Variants in SEMA6A observed in about 807,000 individuals in gnomAD.
SEMA6A encodes the protein semaphorin 6A.
SEMA6A carries 25 observed loss-of-function variants against 96.8 expected under a neutral mutation model. The ratio of observed to expected loss-of-function variants is 0.26; its 90% CI spans 0.19 to 0.36. The LOEUF is 0.36. Ranked by LOEUF, SEMA6A falls within the 10% of genes least tolerant of loss-of-function variation. The probability of loss-of-function intolerance (pLI) is 1.00; values close to 1 mark genes in which losing one functional copy is unlikely to be tolerated. For missense variants in SEMA6A, 1,363 were observed against 1,323.1 expected (o/e 1.03, Z -0.47); for synonymous variants, 612 against 518.0 (o/e 1.18, Z -2.46).
At chr5:116,478,831 T>C in intron 12 of SEMA6A, 113 bp from the exon 13 acceptor site, 1 of 963,192 alleles carries the variant, frequency 1.0e-6, no homozygotes, top group Non-Finnish European at 1.5e-6. Context: ...TCAAGAAAAA[T>C]ATATGCATAT....
At chr5:116,491,898 A>C in intron 6 of SEMA6A, 68 bp from the exon 7 acceptor site, 1 of 1,298,090 alleles carries the variant, frequency 7.7e-7, no homozygotes, top group Non-Finnish European at 1.1e-6. Context: ...CTCAGAAATA[A>C]TTTCCAGGAT....
intron 1 of SEMA6A, among the ~76,000 whole-genome samples, chr5:116,522,118 C>G (rs1758981669): frequency 6.6e-6 from 1 of 152,124 alleles, no homozygotes; most frequent in South Asian, 2.1e-4. Flanking sequence ...GTGAATATTG[C>G]AGTTCTCATA....
rs549072700 is a variant in SEMA6A, at chr5:116,504,585, C to T, written c.100+260G>A. ...TGATTTTAAGGCATGAACACGGCAG[C>T]CTCGATGTAGTAGCTGAGACTTCAT... On this transcript the variant is annotated intron_variant, in intron 2 of 18. Coordinates refer to ENST00000343348, the MANE Select transcript of SEMA6A (RefSeq NM_020796.5). Among the ~76,000 whole-genome samples the T allele has an allele frequency of 9.9e-5, 15 of 152,248 alleles. No homozygotes were observed. In the South Asian group the frequency reaches 3.1e-3, roughly 32 times the overall value.
At chr5:116,496,180 T>C (rs1757591374) in intron 5 of SEMA6A, 71 bp downstream of exon 5, 2 of 1,256,630 alleles carry the variant, frequency 1.6e-6, no homozygotes, top group Non-Finnish European at 2.3e-6. Flanking sequence ...TACATCACGG[T>C]CTATGGCTGG....
intron 1 of SEMA6A, among the ~76,000 whole-genome samples, chr5:116,547,972 G>T (rs1760255241): frequency 6.6e-6 from 1 of 152,064 alleles, no homozygotes; most frequent in Non-Finnish European, 1.5e-5. Context: ...CATTTGTGCT[G>T]GGGACTCTGA....
At chr5:116,470,836 G>A (rs1339709808) in intron 17 of SEMA6A, among the ~76,000 whole-genome samples, 1 of 152,146 alleles carries the variant, frequency 6.6e-6, no homozygotes, top group Non-Finnish European at 1.5e-5. Flanking sequence ...CAGTGTGCAT[G>A]CACTTTTTAC....
chr5:116,460,061 A>G (rs1755282414), intron 18 of SEMA6A, among the ~76,000 whole-genome samples: 1 of 151,736 alleles, frequency 6.6e-6, no homozygotes, highest in Admixed American at 6.5e-5. Context: ...ATGATAAAAA[A>G]ATAAAAATAA....
At chr5:116,453,530 T>C (rs1375793072) in intron 18 of SEMA6A, among the ~76,000 whole-genome samples, 2 of 152,144 alleles carry the variant, frequency 1.3e-5, no homozygotes, top group Non-Finnish European at 2.9e-5. Context: ...GTAGAGAAAA[T>C]ACAAGAGCAA....
intron 16 of SEMA6A, among the ~76,000 whole-genome samples, chr5:116,475,109 G>A (rs1269063563): frequency 6.6e-6 from 1 of 152,022 alleles, no homozygotes; most frequent in African/African-American, 2.4e-5. Flanking sequence ...AAACATAATT[G>A]CTTTTGTTAG....
At chr5:116,573,004 G>A (rs956025918) in intron 1 of SEMA6A, among the ~76,000 whole-genome samples, 3 of 152,184 alleles carry the variant, frequency 2.0e-5, no homozygotes, top group Non-Finnish European at 4.4e-5. Context: ...CACAAGCCCG[G>A]GACCGCTCCC....
chr5:116,509,795 C>G (rs948468075), intron 1 of SEMA6A, among the ~76,000 whole-genome samples: 1 of 152,030 alleles, frequency 6.6e-6, no homozygotes, highest in Admixed American at 6.6e-5. Context: ...TCCTCTTTGT[C>G]CTAAAGGCAC....
At chr5:116,552,282 T>G (rs1435702859) in intron 1 of SEMA6A, among the ~76,000 whole-genome samples, 1 of 152,146 alleles carries the variant, frequency 6.6e-6, no homozygotes, top group African/African-American at 2.4e-5. Context: ...CGTGTTAAGT[T>G]GAAAATTACA....
intron 1 of SEMA6A, among the ~76,000 whole-genome samples, chr5:116,511,332 T>A (rs556555982): frequency 1.2e-4 from 19 of 152,006 alleles, no homozygotes; most frequent in East Asian, 3.9e-4. Context: ...TGCAATTTTT[T>A]AAAAAAAAAT....
intron 1 of SEMA6A, among the ~76,000 whole-genome samples, chr5:116,510,100 AGTG>A (rs1211639663): frequency 1.3e-5 from 2 of 152,092 alleles, no homozygotes; most frequent in African/African-American, 4.8e-5. Context: ...CATCATGAAA[AGTG>A]GTGAAAAGTT....
At position 116,491,808 on chromosome 5, in the gene SEMA6A, C is replaced by G. The variant is rs1316891070; in HGVS notation, c.467G>C (p.Gly156Ala). 1 of 1,613,146 alleles carries G rather than the reference C, an allele frequency of 6.2e-7. No homozygotes were observed. The highest frequency in any genetic ancestry group is 1.3e-5 in the African/African-American group (1 of 74,862). Residue 156 changes from glycine (G) to alanine (A), a missense_variant, in exon 7 of 19, where the codon GGG becomes GCG. Physicochemically the swap from Gly to Ala is moderately conservative, Grantham distance 60. Coordinates refer to ENST00000343348, the MANE Select transcript of SEMA6A (RefSeq NM_020796.5). ...NYKMDTLEPF[G>A]DEFSGMARCP... ...TCTGGCCATTCCGCTGAATTCATCC[C>G]CGAATGGTTCCAATGTATCCATCTA...
chr5:116,493,260 G>A (rs80319500), intron 6 of SEMA6A, among the ~76,000 whole-genome samples: 2 of 152,186 alleles, frequency 1.3e-5, no homozygotes, highest in East Asian at 1.9e-4. Context: ...TTTCCATCTA[G>A]GGAATTCCTT....
intron 1 of SEMA6A, among the ~76,000 whole-genome samples, chr5:116,517,199 G>C (rs1416633166): frequency 6.6e-6 from 1 of 151,972 alleles, no homozygotes; most frequent in Admixed American, 6.6e-5. Context: ...TATGCATTTT[G>C]CTGCAAATTA....
intron 17 of SEMA6A, chr5:116,468,993 C>A (rs1487177049): frequency 1.3e-5 from 2 of 151,844 alleles, no homozygotes; most frequent in Admixed American, 1.3e-4. Context: ...GTTGGATTTC[C>A]CCCCAGGAGA....
intron 10 of SEMA6A, 120 bp downstream of exon 10, chr5:116,486,629 A>T: frequency 1.3e-6 from 1 of 769,444 alleles, no homozygotes. Flanking sequence ...AGTGCTTCTT[A>T]GCTACACACA....
Sources: allele counts gnomAD v4.1 joint callset (sites outside exome capture counted in the v4.1 genomes callset), GRCh38; gene constraint gnomAD v4.1.1; transcripts MANE v1.5; gene names NCBI Gene and HGNC (gene_info 2026-07-23, HGNC 2026-07-21).